The following SDK1 variants were observed in gnomAD, a reference collection of about 807,000 sequenced individuals.
SDK1 encodes the protein protein sidekick-1.
Under a neutral mutation model 245.5 loss-of-function variants are expected in SDK1, and 157 were observed. The ratio of observed to expected loss-of-function variants is 0.64; its 90% CI spans 0.56 to 0.73. The LOEUF is 0.73. Among genes scored for constraint, SDK1 ranks in the 30% least tolerant of loss-of-function variants. The pLI is 0.00. For synonymous variants in SDK1, 1,647 were observed against 1,278.5 expected, an observed-to-expected ratio of 1.29 and a Z score of -6.15; for missense variants, 3,583 against 3,002.3, an observed-to-expected ratio of 1.19 and a Z score of -4.52.
chr7:3,367,364 A>T (rs1052241795), intron 1 of SDK1, among the ~76,000 whole-genome samples: 1 of 152,168 alleles, frequency 6.6e-6, no homozygotes, highest in Non-Finnish European at 1.5e-5. Context: ...GTTAGGAATT[A>T]CTTTTTATGT....
chr7:3,492,265 C>A (rs747466259), intron 1 of SDK1, among the ~76,000 whole-genome samples: 2 of 152,162 alleles, frequency 1.3e-5, no homozygotes, highest in Non-Finnish European at 2.9e-5. Flanking sequence ...AGAGTAATAT[C>A]TTTAAGAAGC....
intron 13 of SDK1, among the ~76,000 whole-genome samples, chr7:3,979,302 G>C (rs1388637473): frequency 1.3e-5 from 2 of 152,156 alleles, no homozygotes; most frequent in Non-Finnish European, 2.9e-5. Context: ...AGCTCTTCGT[G>C]CTTTCTTACC....
chr7:3,805,244 A>AC (rs1172807603), intron 4 of SDK1, among the ~76,000 whole-genome samples: 10 of 152,276 alleles, frequency 6.6e-5, no homozygotes, highest in Middle Eastern at 6.8e-3. Context: ...TGCTGAACTT[A>AC]TTTATTACTT....
chr7:3,675,938 T>C (rs569836654), intron 4 of SDK1, among the ~76,000 whole-genome samples: 1 of 152,344 alleles, frequency 6.6e-6, no homozygotes, highest in South Asian at 2.1e-4. Flanking sequence ...GTTCTGAATA[T>C]TAGACATTTG....
At chr7:3,955,394 C>T (rs1781178745) in intron 7 of SDK1, among the ~76,000 whole-genome samples, 1 of 152,244 alleles carries the variant, frequency 6.6e-6, no homozygotes, top group African/African-American at 2.4e-5. Context: ...CTTTTAGGGG[C>T]TCACATGATT....
At chr7:3,773,615 TTTG>T (rs1780464983) in intron 4 of SDK1, among the ~76,000 whole-genome samples, 1 of 152,188 alleles carries the variant, frequency 6.6e-6, no homozygotes, top group Non-Finnish European at 1.5e-5. Flanking sequence ...CTTGTGATTT[TTTG>T]TTGTTGTTGG....
chr7:3,982,054 T>G (rs555205759), intron 13 of SDK1, among the ~76,000 whole-genome samples: 1 of 152,300 alleles, frequency 6.6e-6, no homozygotes, highest in Non-Finnish European at 1.5e-5. Context: ...AGGCTGACTC[T>G]CTTGTTAGGG....
chr7:3,851,071 T>G (rs989995637), intron 5 of SDK1, among the ~76,000 whole-genome samples: 1 of 152,194 alleles, frequency 6.6e-6, no homozygotes, highest in Non-Finnish European at 1.5e-5. Flanking sequence ...CCAAACCTGA[T>G]GGTGCAACTA....
intron 1 of SDK1, among the ~76,000 whole-genome samples, chr7:3,335,196 T>C (rs1487174953): frequency 6.6e-6 from 1 of 152,210 alleles, no homozygotes; most frequent in African/African-American, 2.4e-5. Flanking sequence ...GTCTTTCCAC[T>C]GCTCACTTAG....
At chr7:3,836,649 C>A (rs539001318) in intron 5 of SDK1, among the ~76,000 whole-genome samples, 17 of 152,304 alleles carry the variant, frequency 1.1e-4, no homozygotes, top group African/African-American at 3.4e-4. Flanking sequence ...AACACAAACA[C>A]CCAACTTAAG....
At chr7:3,949,134 G>A (rs550941225) in intron 5 of SDK1, among the ~76,000 whole-genome samples, 26 of 152,280 alleles carry the variant, frequency 1.7e-4, no homozygotes, top group African/African-American at 5.8e-4. Flanking sequence ...TCAGCAGGAA[G>A]GTTTCCGGAG....
chr7:3,348,052 G>T (rs1296282537), intron 1 of SDK1, among the ~76,000 whole-genome samples: 4 of 152,166 alleles, frequency 2.6e-5, no homozygotes, highest in Non-Finnish European at 5.9e-5. Context: ...TCCTAGCTCA[G>T]CCCTGCACTT....
intron 1 of SDK1, among the ~76,000 whole-genome samples, chr7:3,511,802 T>C (rs1337241705): frequency 6.6e-6 from 1 of 150,616 alleles, no homozygotes; most frequent in Non-Finnish European, 1.5e-5. Context: ...GTTTTTTGTT[T>C]TTTTTTAACT....
At chr7:3,940,603 G>A (rs1780322098) in intron 5 of SDK1, among the ~76,000 whole-genome samples, 1 of 151,998 alleles carries the variant, frequency 6.6e-6, no homozygotes, top group African/African-American at 2.4e-5. Context: ...AGCACTTTGG[G>A]AGGCTGAGGC....
chr7:4,013,139 T>G (rs1786122099), intron 16 of SDK1, among the ~76,000 whole-genome samples: 1 of 152,222 alleles, frequency 6.6e-6, no homozygotes, highest in South Asian at 2.1e-4. Flanking sequence ...CAGATGTGGC[T>G]GAAGGGTAGC....
chr7:3,362,762 G>C (rs1470448605), intron 1 of SDK1, among the ~76,000 whole-genome samples: 2 of 152,110 alleles, frequency 1.3e-5, no homozygotes, highest in East Asian at 3.9e-4. Context: ...ACATTTTCAT[G>C]TACCATGTAA....
intron 1 of SDK1, among the ~76,000 whole-genome samples, chr7:3,315,379 C>T (rs1779639480): frequency 6.7e-6 from 1 of 149,384 alleles, no homozygotes; most frequent in Non-Finnish European, 1.5e-5. Context: ...AGGTCACTCA[C>T]TTCATAAGTG....
chr7:4,044,570 A>G (rs1316901922), intron 17 of SDK1, among the ~76,000 whole-genome samples: 1 of 152,122 alleles, frequency 6.6e-6, no homozygotes, highest in African/African-American at 2.4e-5. Flanking sequence ...CAGCCTCCCA[A>G]GTAGCTAGGA....
intron 1 of SDK1, among the ~76,000 whole-genome samples, chr7:3,615,766 C>G (rs1781748171): frequency 6.6e-6 from 1 of 151,652 alleles, no homozygotes; most frequent in African/African-American, 2.4e-5. Context: ...GCAGTGGCCT[C>G]TGGACTGGTG....
Sources: allele counts gnomAD v4.1 joint callset (sites outside exome capture counted in the v4.1 genomes callset), GRCh38; gene constraint gnomAD v4.1.1; transcripts MANE v1.5; gene names NCBI Gene and HGNC (gene_info 2026-07-23, HGNC 2026-07-21).